The following NRXN1 variants were observed in gnomAD, a reference collection of about 807,000 sequenced individuals.
NRXN1 encodes neurexin 1.
In NRXN1, 39 loss-of-function variants were observed where a neutral mutation model predicts 150.9. The ratio of observed to expected loss-of-function variants is 0.26; its 90% CI spans 0.20 to 0.34. The LOEUF is 0.34. Among genes scored for constraint, NRXN1 ranks in the 10% least tolerant of loss-of-function variants. The pLI, the probability that NRXN1 is intolerant of heterozygous loss-of-function variation, is 1.00. For missense variants in NRXN1, 1,815 were observed against 1,949.9 expected (o/e 0.93, Z 1.30); for synonymous variants, 924 against 757.0 (o/e 1.22, Z -3.62).
intron 11 of NRXN1, among the ~76,000 whole-genome samples, chr2:50,529,219 G>A (rs932683212): frequency 4.6e-5 from 7 of 152,122 alleles, no homozygotes; most frequent in African/African-American, 1.7e-4. Flanking sequence ...GATGTTGGCT[G>A]GATTCCATAC....
chr2:50,055,505 T>C (rs1693458064), intron 19 of NRXN1, among the ~76,000 whole-genome samples: 1 of 152,208 alleles, frequency 6.6e-6, no homozygotes, highest in South Asian at 2.1e-4. Context: ...TTTGGCACAC[T>C]GAAGCATCTA....
chr2:50,075,579 G>A (rs751035341), intron 19 of NRXN1, among the ~76,000 whole-genome samples: 4 of 152,168 alleles, frequency 2.6e-5, no homozygotes, highest in Non-Finnish European at 2.9e-5. Flanking sequence ...GGTGACAAAT[G>A]TTCCAGATTG....
intron 2 of NRXN1, among the ~76,000 whole-genome samples, chr2:50,990,645 T>C (rs1001722934): frequency 6.6e-6 from 1 of 151,986 alleles, no homozygotes; most frequent in African/African-American, 2.4e-5. Context: ...TCTTAATACT[T>C]TTCCAGTTTG....
intron 13 of NRXN1, among the ~76,000 whole-genome samples, chr2:50,500,043 C>T (rs1426101060): frequency 6.6e-6 from 1 of 151,616 alleles, no homozygotes; most frequent in African/African-American, 2.4e-5. Context: ...AACTCAGTGA[C>T]CCCTACCCTG....
At chr2:49,971,191 T>G (rs1237211026) in intron 21 of NRXN1, among the ~76,000 whole-genome samples, 1 of 152,146 alleles carries the variant, frequency 6.6e-6, no homozygotes, top group Non-Finnish European at 1.5e-5. Flanking sequence ...TTCCTATCAA[T>G]TAGCATTCTG....
intron 5 of NRXN1, among the ~76,000 whole-genome samples, chr2:50,853,021 T>C (rs893342464): frequency 3.9e-5 from 6 of 152,162 alleles, no homozygotes; most frequent in African/African-American, 1.4e-4. Flanking sequence ...GGCATGTTCT[T>C]AGTAAATACA....
chr2:51,026,982 C>A (rs1180108004), intron 2 of NRXN1, among the ~76,000 whole-genome samples: 1 of 152,206 alleles, frequency 6.6e-6, no homozygotes, highest in Non-Finnish European at 1.5e-5. Context: ...CTGTCTTTCT[C>A]GTCCTTTACC....
At chr2:50,596,921 C>G (rs1352281378) in intron 8 of NRXN1, among the ~76,000 whole-genome samples, 1 of 120,112 alleles carries the variant, frequency 8.3e-6, no homozygotes, top group Non-Finnish European at 1.6e-5. Flanking sequence ...GGCTGGATTA[C>G]TGTGGCACGA....
chr2:50,528,523 G>C, intron 12 of NRXN1, 102 bp downstream of exon 12: 1 of 719,556 alleles, frequency 1.4e-6, no homozygotes, highest in East Asian at 2.9e-5. Flanking sequence ...GAGCTCATGA[G>C]TTTTATAAAC....
At chr2:50,712,119 T>A (rs900516313) in intron 5 of NRXN1, among the ~76,000 whole-genome samples, 1 of 152,116 alleles carries the variant, frequency 6.6e-6, no homozygotes, top group Non-Finnish European at 1.5e-5. Context: ...AAGTGCTATA[T>A]ATTATGTTAA....
In NRXN1 at chr2:50,111,756, A is replaced by G. The variant is rs1702406365; in HGVS notation, c.3547-20262T>C. ...AATATTTAAAAACAGTTATTAGGCC[A>G]CATTTTCCCCACAGTCAGCCCAGGT... On this transcript the variant is annotated intron_variant, in intron 18 of 22. Transcript: ENST00000401669. 2.0e-5 allele frequency among the ~76,000 whole-genome samples: 3 copies of G among 152,186 alleles called. No individual in the cohort carries two copies. In the South Asian group the frequency reaches 6.2e-4, roughly 31 times the overall value.
At chr2:50,841,258 C>T (rs1404719367) in intron 5 of NRXN1, 1 of 152,556 alleles carries the variant, frequency 6.6e-6, no homozygotes, top group Non-Finnish European at 1.5e-5. Context: ...CTCCATACAT[C>T]AGTATATGTT....
intron 5 of NRXN1, among the ~76,000 whole-genome samples, chr2:50,713,786 A>C (rs1283295926): frequency 1.3e-5 from 2 of 152,224 alleles, no homozygotes; most frequent in East Asian, 1.9e-4. Context: ...TGGTCTATTG[A>C]GGAGTAGTTT....
chr2:50,963,417 C>A (rs183141671), intron 2 of NRXN1, among the ~76,000 whole-genome samples: 1 of 151,592 alleles, frequency 6.6e-6, no homozygotes. Flanking sequence ...AAATGGACAA[C>A]GAGGAAAACT....
At chr2:50,713,918 T>C (rs1037360865) in intron 5 of NRXN1, among the ~76,000 whole-genome samples, 4 of 152,144 alleles carry the variant, frequency 2.6e-5, no homozygotes, top group South Asian at 2.1e-4. Context: ...AACCCAGATG[T>C]ACAGTAAATC....
intron 5 of NRXN1, among the ~76,000 whole-genome samples, chr2:50,868,279 T>C (rs1433183410): frequency 1.3e-5 from 2 of 149,902 alleles, no homozygotes; most frequent in Non-Finnish European, 3.0e-5. Context: ...AGTCTTTATG[T>C]GAAACAATTC....
chr2:50,111,192 G>T (rs1267921553), intron 18 of NRXN1, among the ~76,000 whole-genome samples: 1 of 152,144 alleles, frequency 6.6e-6, no homozygotes, highest in Admixed American at 6.5e-5. Flanking sequence ...AAAATTCTTA[G>T]AATTGGGAAG....
At chr2:50,581,527 C>G (rs6760547) in intron 8 of NRXN1, among the ~76,000 whole-genome samples, 64,620 of 152,024 alleles carry the variant, frequency 0.43, 16,697 homozygotes, top group African/African-American at 0.73. Context: ...ATTTATTATT[C>G]TTTGCAACCA....
At chr2:49,997,141 C>T (rs1683134446) in intron 21 of NRXN1, among the ~76,000 whole-genome samples, 1 of 151,920 alleles carries the variant, frequency 6.6e-6, no homozygotes, top group African/African-American at 2.4e-5. Context: ...TTTGAAATAC[C>T]AATGGGTCAA....
Sources: gnomAD v4.1 joint callset for allele counts (sites outside exome capture counted in the v4.1 genomes callset) on GRCh38, gnomAD v4.1.1 for gene constraint, MANE v1.5 for transcripts, NCBI Gene and HGNC (gene_info 2026-07-23, HGNC 2026-07-21) for gene names.